TMEM202: variants seen among roughly 807,000 people sequenced by gnomAD.
The protein encoded by TMEM202 is transmembrane protein 202.
Under a neutral mutation model 26.1 loss-of-function variants are expected in TMEM202, and 25 were observed. The ratio of observed to expected loss-of-function variants is 0.96; its 90% CI spans 0.70 to 1.34. The LOEUF (loss-of-function observed/expected upper bound fraction) is 1.34, where lower values mean the gene tolerates loss of function less well. TMEM202 is among the 40% of genes most tolerant of loss of function. The probability of loss-of-function intolerance (pLI) is 0.00; values close to 1 mark genes in which losing one functional copy is unlikely to be tolerated. For synonymous variants in TMEM202, 122 were observed against 119.0 expected (o/e 1.02, Z -0.16); for missense variants, 301 against 327.7 (o/e 0.92, Z 0.63).
At position 72,408,036 on chromosome 15, in the gene TMEM202, G is replaced by A. The variant is rs943885950; in HGVS notation, c.*143G>A. 30 of 646,258 alleles carry A rather than the reference G, an allele frequency of 4.6e-5. No individual in the cohort carries two copies. The highest frequency in any genetic ancestry group is 3.2e-4 in the Admixed American group (11 of 34,016). The allele number at this position is 646,258 out of a possible 1,614,324, so 40.0% of individuals were successfully genotyped here. The stretch of plus-strand genomic sequence containing the variant: ...TTAAAGCTGATGAAATGTCTTTTGC[G>A]TGCATTGGATCCAAAATATATATGA... On this transcript the variant is annotated 3_prime_UTR_variant, in exon 5 of 5. Transcript: ENST00000341689.
chr15:72,399,288 C>T (rs559456798), intron 2 of TMEM202, among the ~76,000 whole-genome samples: 202 of 152,260 alleles, frequency 1.3e-3, no homozygotes, highest in African/African-American at 4.8e-3. Flanking sequence ...AGATGTGTGC[C>T]AACACTCCTG....
At chr15:72,398,459 A>C in intron 1 of TMEM202, 52 bp downstream of exon 1, 1 of 1,521,632 alleles carries the variant, frequency 6.6e-7, no homozygotes, top group Non-Finnish European at 9.0e-7. Context: ...ACTTACTTAA[A>C]GGCAGGGCTA....
chr15:72,403,083 C>T (rs1172901203), intron 2 of TMEM202, among the ~76,000 whole-genome samples: 2 of 152,198 alleles, frequency 1.3e-5, no homozygotes, highest in Non-Finnish European at 2.9e-5. Flanking sequence ...CCCTGGCCAA[C>T]TTTTACTTCC....
At chr15:72,406,808 T>A in intron 3 of TMEM202, 57 bp downstream of exon 3, 1 of 1,572,834 alleles carries the variant, frequency 6.4e-7, no homozygotes, top group Non-Finnish European at 8.7e-7. Context: ...AGGTAACAAA[T>A]TTTCTCTGTG....
At chr15:72,406,421 G>A (rs1377126430) in intron 2 of TMEM202, among the ~76,000 whole-genome samples, 181 bp from the exon 3 acceptor site, 4 of 152,164 alleles carry the variant, frequency 2.6e-5, no homozygotes. Context: ...AGAAGTATTT[G>A]TATATTATCT....
At chr15:72,401,491 C>T (rs2063547431) in intron 2 of TMEM202, among the ~76,000 whole-genome samples, 1 of 152,032 alleles carries the variant, frequency 6.6e-6, no homozygotes, top group Non-Finnish European at 1.5e-5. Context: ...TGTTGTGAGC[C>T]GAGATTGAGC....
chr15:72,402,058 C>T lies in TMEM202; in HGVS notation c.337+3150C>T, dbSNP rs545515374. ...TTGGCTCACTGCAACCTCTCCCTCC[C>T]GGGTTCAAGCAATTCTCCTGCCTCA... On this transcript the variant is annotated intron_variant, in intron 2 of 4. Coordinates refer to ENST00000341689, the MANE Select transcript of TMEM202 (RefSeq NM_001080462.3). 2.0e-5 allele frequency among the ~76,000 whole-genome samples: 3 copies of T among 152,160 alleles called. No individual in the cohort carries two copies. In the East Asian group the frequency reaches 5.8e-4, roughly 29 times the overall value.
intron 2 of TMEM202, among the ~76,000 whole-genome samples, chr15:72,400,088 A>G (rs1001928757): frequency 1.3e-5 from 2 of 152,252 alleles, no homozygotes; most frequent in African/African-American, 4.8e-5. Flanking sequence ...ATTCAACTGC[A>G]TAAAACGAAA....
At position 72,407,846 on chromosome 15, in the gene TMEM202, C is replaced by CT. The variant is rs755185406; in HGVS notation, c.776dup (p.Ser260LysfsTer25). On this transcript the variant is annotated frameshift_variant, in exon 5 of 5. Transcript: ENST00000341689. LOFTEE classifies it low-confidence loss of function (END_TRUNC). ...AGGGCCAAGGTCTGAGATGGAATCT[C>CT]TAAGTGTGAGAGAGAAAAATTTACC... 31 of 1,613,952 alleles carry CT rather than the reference C, an allele frequency of 1.9e-5. No homozygotes were observed. The African/African-American group carries it at 3.7e-4, about 19-fold the overall frequency.
intron 2 of TMEM202, among the ~76,000 whole-genome samples, chr15:72,405,611 TA>T (rs200591806): frequency 4.6e-4 from 69 of 150,704 alleles, no homozygotes; most frequent in African/African-American, 1.6e-3. Context: ...ACTCTCAGAA[TA>T]AAAAAAAAGT....
chr15:72,400,299 A>T (rs2063541776), intron 2 of TMEM202, among the ~76,000 whole-genome samples: 1 of 152,256 alleles, frequency 6.6e-6, no homozygotes, highest in Admixed American at 6.5e-5. Flanking sequence ...AAGGTAAATC[A>T]AATGAATAAC....
intron 2 of TMEM202, among the ~76,000 whole-genome samples, chr15:72,405,441 C>T (rs2063566465): frequency 6.6e-6 from 1 of 152,010 alleles, no homozygotes; most frequent in Non-Finnish European, 1.5e-5. Flanking sequence ...GATGTGGTAG[C>T]AAAAAGTAAG....
At position 72,398,384 on chromosome 15, in the gene TMEM202, A is replaced by C. The variant is rs1443762234; in HGVS notation, c.58A>C (p.Lys20Gln). ...TFHSPEVPKI[K>Q]GNRKYQRPTV... ...CCACAGTCCTGAGGTTCCCAAAATA[A>C]AGGGGAACCGGAAATACCAAAGGGT... The change falls in exon 1 of 5, where the codon AAG (lysine) becomes CAG (glutamine). Residue 20 changes from lysine to glutamine, a missense_variant. Lys to Gln is a moderately conservative substitution (Grantham distance 53). Transcript: ENST00000341689. The C allele has an allele frequency of 6.2e-7, 1 of 1,612,750 alleles. No homozygotes were observed. Among genetic ancestry groups the C allele is most frequent in the South Asian group, 1.1e-5 (1 of 90,520 alleles).
intron 2 of TMEM202, among the ~76,000 whole-genome samples, chr15:72,401,076 T>G (rs1384155161): frequency 6.6e-6 from 1 of 152,172 alleles, no homozygotes; most frequent in African/African-American, 2.4e-5. Flanking sequence ...AGAGGTCACT[T>G]TTGTTGCCAT....
chr15:72,398,906 C>T lies in TMEM202; in HGVS notation c.335C>T (p.Pro112Leu). Residue 112 changes from proline (P) to leucine (L), a missense_variant and splice_region_variant, in exon 2 of 5, where the codon CCC becomes CTC. By Grantham distance (98) the Pro-to-Leu change is moderately conservative (BLOSUM62 -3). Coordinates refer to ENST00000341689, the MANE Select transcript of TMEM202 (RefSeq NM_001080462.3). The part of the protein sequence containing the change: ...ELCWSHTPKP[P>L]YYLQYSRAFF... Reference sequence around the variant, plus strand: ...TGCTGGAGCCACACACCCAAGCCACCCTGTGAGTGCCACCGAATTAAATGC... The same window carrying T: ...TGCTGGAGCCACACACCCAAGCCACTCTGTGAGTGCCACCGAATTAAATGC... 2 of 1,599,032 alleles carry T rather than the reference C, an allele frequency of 1.3e-6. No individual in the cohort carries two copies. The highest frequency in any genetic ancestry group is 1.9e-4 in the Middle Eastern group (1 of 5,142).
chr15:72,401,779 A>AT (rs2063548681), intron 2 of TMEM202, among the ~76,000 whole-genome samples: 2 of 152,174 alleles, frequency 1.3e-5, no homozygotes, highest in African/African-American at 4.8e-5. Flanking sequence ...CTTAAGGTGC[A>AT]TAAGTATAAA....
At position 72,407,802 on chromosome 15, in the gene TMEM202, T is replaced by C; in HGVS notation, c.731T>C (p.Val244Ala). ...SRLGVGPVTT[V>A]SPAKDEGPRS... The stretch of plus-strand genomic sequence containing the variant: ...CTGGGGGTTGGTCCGGTGACTACAG[T>C]ATCACCTGCTAAAGATGAAGGGCCA... The change falls in exon 5 of 5, where the codon GTA becomes GCA. Residue 244 changes from valine to alanine, a missense_variant. Coordinates refer to ENST00000341689, the MANE Select transcript of TMEM202 (RefSeq NM_001080462.3). The C allele has an allele frequency of 6.2e-7, 1 of 1,614,082 alleles. No individual in the cohort carries two copies. Among genetic ancestry groups the C allele is most frequent in the Non-Finnish European group, 8.5e-7 (1 of 1,179,986 alleles).
chr15:72,399,055 G>C, intron 2 of TMEM202, 147 bp downstream of exon 2: 1 of 929,072 alleles, frequency 1.1e-6, no homozygotes, highest in Non-Finnish European at 1.6e-6. Context: ...GGTATCCTCA[G>C]TGTGCCCTTT....
rs757175148 is a variant in TMEM202, at chr15:72,407,707, CAACTACTT to C, written c.641_648del (p.Tyr214PhefsTer7). 1 of 1,613,890 alleles carries C rather than the reference CAACTACTT, an allele frequency of 6.2e-7. No homozygotes were observed. Among genetic ancestry groups the C allele is most frequent in the Non-Finnish European group, 8.5e-7 (1 of 1,179,830 alleles). On this transcript the variant is annotated frameshift_variant, in exon 5 of 5. Coordinates refer to ENST00000341689, the MANE Select transcript of TMEM202 (RefSeq NM_001080462.3). LOFTEE classifies it low-confidence loss of function (END_TRUNC). The stretch of plus-strand genomic sequence containing the variant: ...TTCCCGTAGGGATCATCTCTCTTCT[CAACTACTT>C]AACTTCCAGATCGCCTGCCTGTGAT...
Sources: allele counts gnomAD v4.1 joint callset (sites outside exome capture counted in the v4.1 genomes callset), GRCh38; gene constraint gnomAD v4.1.1; transcripts MANE v1.5; gene names NCBI Gene and HGNC (gene_info 2026-07-23, HGNC 2026-07-21).